Variants in ELMOD1 observed in about 807,000 individuals in gnomAD.
The protein encoded by ELMOD1 is ELMO domain containing 1.
In ELMOD1, 21 loss-of-function variants were observed where a neutral mutation model predicts 46.7. The ratio of observed to expected loss-of-function variants is 0.45; its 90% CI spans 0.32 to 0.65. The LOEUF (loss-of-function observed/expected upper bound fraction) is 0.65, where lower values mean the gene tolerates loss of function less well. Ranked by LOEUF, ELMOD1 falls within the 30% of genes least tolerant of loss-of-function variation. The pLI, the probability that ELMOD1 is intolerant of heterozygous loss-of-function variation, is 0.04. For missense variants in ELMOD1, 348 were observed against 407.8 expected (o/e 0.85, Z 1.26); for synonymous variants, 122 against 138.2 (o/e 0.88, Z 0.82).
At chr11:107,614,303 C>CTCATATTACAATTTATTCT in intron 1 of ELMOD1, among the ~76,000 whole-genome samples, 1 of 152,058 alleles carries the variant, frequency 6.6e-6, no homozygotes, top group South Asian at 2.1e-4. Flanking sequence ...GGATTTATTC[C>CTCATATTACAATTTATTCT]TCATATTACA....
rs540182412 is a variant in ELMOD1, at chr11:107,641,856, A to G, written c.421-5612A>G. On this transcript the variant is annotated intron_variant, in intron 6 of 11. Coordinates refer to ENST00000265840, the MANE Select transcript of ELMOD1 (RefSeq NM_018712.4). The stretch of plus-strand genomic sequence containing the variant: ...CAGGTAAGATGGAACTATGTACTAC[A>G]GAACTTACAATATCTAAACTCAGAG... 4.6e-5 allele frequency among the ~76,000 whole-genome samples: 7 copies of G among 152,238 alleles called. No homozygotes were observed. The South Asian group carries it at 1.0e-3, about 23-fold the overall frequency.
intron 1 of ELMOD1, chr11:107,592,446 G>A (rs551547884): frequency 1.9e-6 from 1 of 534,440 alleles, no homozygotes; most frequent in Admixed American, 1.9e-5. Flanking sequence ...TATACGTTTT[G>A]TGCCGGTGGC....
intron 10 of ELMOD1, among the ~76,000 whole-genome samples, chr11:107,654,703 A>G (rs1316334525): frequency 6.7e-6 from 1 of 148,366 alleles, no homozygotes; most frequent in Non-Finnish European, 1.5e-5. Context: ...TGGGAGGCGG[A>G]GCTTGCAGTG....
At chr11:107,606,696 G>A (rs1410415301) in intron 1 of ELMOD1, among the ~76,000 whole-genome samples, 1 of 152,138 alleles carries the variant, frequency 6.6e-6, no homozygotes, top group East Asian at 1.9e-4. Context: ...TTAGCCGGGT[G>A]TGGTGGCGTG....
intron 1 of ELMOD1, chr11:107,592,130 G>A: frequency 1.1e-5 from 4 of 377,696 alleles, no homozygotes; most frequent in South Asian, 6.2e-5. Context: ...GTGTGGGTAC[G>A]GGCTGTTCTG....
At chr11:107,643,613 C>T (rs1176081324) in intron 6 of ELMOD1, 15 of 529,106 alleles carry the variant, frequency 2.8e-5, no homozygotes, top group South Asian at 9.8e-5. Context: ...AGTATCTGGA[C>T]GGCATTCAGT....
chr11:107,663,326 G>A (rs1866777304), intron 11 of ELMOD1, among the ~76,000 whole-genome samples: 1 of 152,010 alleles, frequency 6.6e-6, no homozygotes. Context: ...GTGTGTGAAG[G>A]GCCCAAAGGC....
At chr11:107,655,641 G>A (rs934643923) in intron 10 of ELMOD1, among the ~76,000 whole-genome samples, 7 of 115,436 alleles carry the variant, frequency 6.1e-5, no homozygotes, top group East Asian at 3.0e-4. Context: ...CAAAAGAATG[G>A]CTACTCCGTG....
At chr11:107,614,838 G>A (rs2509204) in intron 1 of ELMOD1, among the ~76,000 whole-genome samples, 86,709 of 151,978 alleles carry the variant, frequency 0.57, 25,437 homozygotes, top group East Asian at 0.8. Context: ...ACTAAGTCAT[G>A]TTGGAACTTT....
chr11:107,605,314 C>T (rs1429017531), intron 1 of ELMOD1, among the ~76,000 whole-genome samples: 1 of 151,630 alleles, frequency 6.6e-6, no homozygotes, highest in East Asian at 1.9e-4. Flanking sequence ...ATTCTCCCAA[C>T]TCAGCCTCCC....
At chr11:107,607,171 C>G (rs969164698) in intron 1 of ELMOD1, among the ~76,000 whole-genome samples, 1 of 152,164 alleles carries the variant, frequency 6.6e-6, no homozygotes, top group African/African-American at 2.4e-5. Flanking sequence ...ACTTGATGGG[C>G]TGATTGAGGG....
rs1270703607 is a variant in ELMOD1 at position 107,662,711 on chromosome 11, G to A, written c.833-2314G>A. Among the ~76,000 whole-genome samples the A allele has an allele frequency of 3.3e-5, 5 of 151,884 alleles. 1 individual carries two copies. Among genetic ancestry groups the A allele is most frequent in the African/African-American group, 1.2e-4 (5 of 41,476 alleles). On this transcript the variant is annotated intron_variant, in intron 11 of 11. Transcript: ENST00000265840. Reference sequence around the variant, plus strand: ...TGGCCGAGGCAGGTGGATCACTTGGGGTTAGGATTTCAAGACCAACCTGGC... The same window carrying A: ...TGGCCGAGGCAGGTGGATCACTTGGAGTTAGGATTTCAAGACCAACCTGGC...
chr11:107,646,474 C>T (rs1591131033), intron 6 of ELMOD1, among the ~76,000 whole-genome samples: 1 of 152,120 alleles, frequency 6.6e-6, no homozygotes, highest in Non-Finnish European at 1.5e-5. Flanking sequence ...GTGGCTCACA[C>T]CTGTAATCCC....
At chr11:107,664,750 TCA>T (rs944003743) in intron 11 of ELMOD1, among the ~76,000 whole-genome samples, 1 of 134,614 alleles carries the variant, frequency 7.4e-6, no homozygotes, top group African/African-American at 3.8e-5. Context: ...CGATTCATAC[TCA>T]AGAGATGGCA....
At chr11:107,606,532 A>G (rs1313475995) in intron 1 of ELMOD1, among the ~76,000 whole-genome samples, 1 of 152,210 alleles carries the variant, frequency 6.6e-6, no homozygotes, top group Admixed American at 6.5e-5. Flanking sequence ...GGAATTAATT[A>G]CATCTTAAAA....
chr11:107,627,299 A>G (rs1309321412), intron 2 of ELMOD1, among the ~76,000 whole-genome samples: 1 of 152,226 alleles, frequency 6.6e-6, no homozygotes, highest in African/African-American at 2.4e-5. Context: ...TATAGATACC[A>G]TTTCATAATT....
At chr11:107,634,866 A>T (rs957159518) in intron 5 of ELMOD1, among the ~76,000 whole-genome samples, 2 of 152,240 alleles carry the variant, frequency 1.3e-5, no homozygotes, top group Admixed American at 6.5e-5. Flanking sequence ...TAGTCATGGC[A>T]CTGGAAAGGT....
At chr11:107,616,951 A>C (rs1487068874) in intron 1 of ELMOD1, among the ~76,000 whole-genome samples, 1 of 152,230 alleles carries the variant, frequency 6.6e-6, no homozygotes, top group East Asian at 1.9e-4. Flanking sequence ...TTAAATTAAA[A>C]TTTGGATTCA....
At position 107,640,590 on chromosome 11, in the gene ELMOD1, GA is replaced by G. The variant is rs913214517; in HGVS notation, c.420+4834del. On this transcript the variant is annotated intron_variant, in intron 6 of 11. Coordinates refer to ENST00000265840, the MANE Select transcript of ELMOD1 (RefSeq NM_018712.4). ...ACAGTATAAATTATTCCCTAAGTCTGAAAAAAAAATTAAGTTGAATACATTT... is the reference window on the plus strand; with the variant it reads ...ACAGTATAAATTATTCCCTAAGTCTGAAAAAAAATTAAGTTGAATACATTT... Among the ~76,000 whole-genome samples, 213 of 150,204 alleles carry G rather than the reference GA, an allele frequency of 1.4e-3. 1 individual carries two copies. The highest frequency in any genetic ancestry group is 3.4e-3 in the Middle Eastern group (1 of 292).
Sources: allele counts gnomAD v4.1 joint callset (sites outside exome capture counted in the v4.1 genomes callset), GRCh38; gene constraint gnomAD v4.1.1; transcripts MANE v1.5; gene names NCBI Gene and HGNC (gene_info 2026-07-23, HGNC 2026-07-21).